HSPD1: variants seen among roughly 807,000 people sequenced by gnomAD.
The protein encoded by HSPD1 is 60 kDa heat shock protein, mitochondrial.
HSPD1 carries 3 observed loss-of-function variants against 53.0 expected under a neutral mutation model. The ratio of observed to expected loss-of-function variants is 0.06; its 90% CI spans 0.03 to 0.15. HSPD1 has a LOEUF of 0.15. Ranked by LOEUF, HSPD1 falls within the 10% of genes least tolerant of loss-of-function variation. The probability of loss-of-function intolerance (pLI) is 1.00; values close to 1 mark genes in which losing one functional copy is unlikely to be tolerated. For synonymous variants in HSPD1, 200 were observed against 228.0 expected (o/e 0.88, Z 1.10); for missense variants, 431 against 694.1 (o/e 0.62, Z 4.26).
chr2:197,489,137 T>G lies in HSPD1; in HGVS notation c.1080A>C (p.Gly360=). Residue 360 remains glycine, a synonymous_variant, in exon 9 of 12, where the codon GGA becomes GGC. Transcript: ENST00000388968. ...TTTCAATTTGAGCCTTGTCACCTTT[T>G]CCTTTTAAGAGCATGGCATCGTCTT... ...VTKDDAMLLK[G]KGDKAQIEKR... 3.7e-6 allele frequency: 6 copies of G among 1,614,140 alleles called. No homozygotes were observed. Among genetic ancestry groups the G allele is most frequent in the Non-Finnish European group, 4.2e-6 (5 of 1,180,010 alleles).
At chr2:197,494,365 T>C in intron 5 of HSPD1, 115 bp from the exon 6 acceptor site, 1 of 704,702 alleles carries the variant, frequency 1.4e-6, no homozygotes, top group Non-Finnish European at 2.6e-6. Flanking sequence ...GGGTAGAGTA[T>C]GAAACAGCCC....
intron 7 of HSPD1, among the ~76,000 whole-genome samples, chr2:197,491,449 C>T (rs2086091686): frequency 6.6e-6 from 1 of 152,108 alleles, no homozygotes; most frequent in Non-Finnish European, 1.5e-5. Context: ...CATGAGTCAC[C>T]ACGCCCAGCC....
chr2:197,491,192 T>G lies in HSPD1; in HGVS notation c.870-896A>C, dbSNP rs10186487. On this transcript the variant is annotated intron_variant, in intron 7 of 11. Coordinates refer to ENST00000388968, the MANE Select transcript of HSPD1 (RefSeq NM_002156.5). ...GGCCTCAAGTCTTTTTTTTGTGTGT[T>G]TTTTTTTTTTTTTGAGACAGAGTCT... 5.6e-3 allele frequency among the ~76,000 whole-genome samples: 762 copies of G among 136,436 alleles called. 3 individuals carry two copies. Among genetic ancestry groups the G allele is most frequent in the Non-Finnish European group, 8.4e-3 (558 of 66,564 alleles). 89.5% of individuals were successfully genotyped at this position (136,436 alleles called of 152,430 possible).
intron 7 of HSPD1, among the ~76,000 whole-genome samples, chr2:197,491,591 T>C (rs1265303808): frequency 1.3e-5 from 2 of 152,252 alleles, no homozygotes; most frequent in Non-Finnish European, 2.9e-5. Flanking sequence ...AATGTATGCA[T>C]TTCTACTATA....
intron 8 of HSPD1, among the ~76,000 whole-genome samples, chr2:197,489,588 G>A (rs1396029481): frequency 2.0e-5 from 3 of 152,116 alleles, no homozygotes; most frequent in East Asian, 1.9e-4. Context: ...AACTGAGCTC[G>A]GTAGCTCATG....
chr2:197,494,793 C>G, intron 4 of HSPD1, 41 bp from the exon 5 acceptor site: 1 of 1,304,780 alleles, frequency 7.7e-7, no homozygotes, highest in Non-Finnish European at 1.1e-6. Flanking sequence ...AAAGGTAAGC[C>G]TAGTGTCCTC....
At chr2:197,488,542 A>C (rs1467221356) in intron 9 of HSPD1, 51 bp from the exon 10 acceptor site, 1 of 1,513,814 alleles carries the variant, frequency 6.6e-7, no homozygotes, top group Non-Finnish European at 9.2e-7. Context: ...TCAAGATGCT[A>C]ATTGCCAAGT....
At chr2:197,494,501 C>G (rs2106076652) in intron 5 of HSPD1, 156 bp downstream of exon 5, 1 of 649,574 alleles carries the variant, frequency 1.5e-6, no homozygotes, top group African/African-American at 1.8e-5. Context: ...GTACTTTATT[C>G]TATACATGTG....
chr2:197,500,178 A>G, upstream of HSPD1: 1 of 559,806 alleles, frequency 1.8e-6, no homozygotes, highest in South Asian at 2.3e-5. Flanking sequence ...GGCGCCTAGA[A>G]AAGCCTAGAA....
chr2:197,487,511 C>T lies in HSPD1; in HGVS notation c.1570-313G>A, dbSNP rs559531384. Among the ~76,000 whole-genome samples the T allele has an allele frequency of 3.9e-5, 6 of 152,274 alleles. No homozygotes were observed. The South Asian group carries it at 6.2e-4, about 16-fold the overall frequency. Reference sequence around the variant, plus strand: ...GTCACTGCCTGCACTCCAGCCTGGGCGACACAGCGACTCTGTCTTCAAAAC... The same window carrying T: ...GTCACTGCCTGCACTCCAGCCTGGGTGACACAGCGACTCTGTCTTCAAAAC... On this transcript the variant is annotated intron_variant, in intron 11 of 11. Coordinates refer to ENST00000388968, the MANE Select transcript of HSPD1 (RefSeq NM_002156.5).
intron 6 of HSPD1, among the ~76,000 whole-genome samples, chr2:197,493,776 C>T (rs2086122398): frequency 6.6e-6 from 1 of 152,138 alleles, no homozygotes; most frequent in African/African-American, 2.4e-5. Context: ...ACCAGCCTGG[C>T]CAACATGGCT....
intron 2 of HSPD1, among the ~76,000 whole-genome samples, chr2:197,497,806 C>A (rs2086177406): frequency 6.6e-6 from 1 of 152,214 alleles, no homozygotes; most frequent in South Asian, 2.1e-4. Flanking sequence ...GTAGCGTGCT[C>A]TTCCAGGTTC....
At chr2:197,500,145 G>T, upstream of HSPD1, 1 of 532,324 alleles carries the variant, frequency 1.9e-6, no homozygotes, top group Non-Finnish European at 3.4e-6. Context: ...GGGGACGAAG[G>T]GGTAGTTCTT....
In HSPD1 at chr2:197,489,063, T is replaced by C; in HGVS notation, c.1154A>G (p.Tyr385Cys). The C allele has an allele frequency of 6.2e-7, 1 of 1,613,920 alleles. No individual in the cohort carries two copies. Among genetic ancestry groups the C allele is most frequent in the African/African-American group, 1.3e-5 (1 of 75,048 alleles). The change falls in exon 9 of 12, where the codon TAT becomes TGT. Residue 385 changes from tyrosine to cysteine, a missense_variant. By Grantham distance (194) the Tyr-to-Cys change is radical. Coordinates refer to ENST00000388968, the MANE Select transcript of HSPD1 (RefSeq NM_002156.5). ...CCGTTCATTCAGTTTTTCCTTTTCA[T>C]ATTCACTAGTTGTGACATCTAACTG... ...IEQLDVTTSEYEKEKLNERLA... is the reference protein window; with the variant it reads ...IEQLDVTTSECEKEKLNERLA...
At chr2:197,500,145 G>A (rs889206644), upstream of HSPD1, 19 of 532,326 alleles carry the variant, frequency 3.6e-5, no homozygotes, top group African/African-American at 3.3e-4. Context: ...GGGGACGAAG[G>A]GGTAGTTCTT....
intron 8 of HSPD1, among the ~76,000 whole-genome samples, 167 bp from the exon 9 acceptor site, chr2:197,489,414 C>G (rs531377590): frequency 6.6e-6 from 1 of 152,286 alleles, no homozygotes; most frequent in Non-Finnish European, 1.5e-5. Context: ...TAGTCTCTTT[C>G]ACTGCATTTC....
Position 197,489,175 on chromosome 2 carries a change from C to T in HSPD1, c.1042G>A (p.Val348Ile). 1 of 1,614,108 alleles carries T rather than the reference C, an allele frequency of 6.2e-7. No individual in the cohort carries two copies. The highest frequency in any genetic ancestry group is 1.1e-5 in the South Asian group (1 of 91,080). Residue 348 changes from valine to isoleucine, a missense_variant, in exon 9 of 12, where the codon GTC becomes ATC. Coordinates refer to ENST00000388968, the MANE Select transcript of HSPD1 (RefSeq NM_002156.5). The part of the protein sequence containing the change: ...QPHDLGKVGE[V>I]IVTKDDAMLL... ...ATGGCATCGTCTTTGGTCACAATGACCTCTCCAACTTTTCCTAAGTCATGA... is the reference window on the plus strand; with the variant it reads ...ATGGCATCGTCTTTGGTCACAATGATCTCTCCAACTTTTCCTAAGTCATGA...
At chr2:197,495,133 G>T (rs1246139986) in intron 4 of HSPD1, 161 bp downstream of exon 4, 2 of 649,000 alleles carry the variant, frequency 3.1e-6, no homozygotes, top group Admixed American at 5.0e-5. Flanking sequence ...AACCATTATG[G>T]TCATAATTCT....
At chr2:197,490,406 G>T in intron 7 of HSPD1, 110 bp from the exon 8 acceptor site, 3 of 738,728 alleles carry the variant, frequency 4.1e-6, no homozygotes, top group South Asian at 1.6e-5. Flanking sequence ...AATCTGGTTT[G>T]GTTTTTGTGT....
Sources: gnomAD v4.1 joint callset for allele counts (sites outside exome capture counted in the v4.1 genomes callset) on GRCh38, gnomAD v4.1.1 for gene constraint, MANE v1.5 for transcripts, NCBI Gene and HGNC (gene_info 2026-07-23, HGNC 2026-07-21) for gene names.